The following NAPEPLD variants were observed in gnomAD, a reference collection of about 807,000 sequenced individuals.
NAPEPLD encodes the protein N-acyl phosphatidylethanolamine phospholipase D, also known as N-acyl-phosphatidylethanolamine-hydrolyzing phospholipase D.
NAPEPLD carries 23 observed loss-of-function variants against 38.1 expected under a neutral mutation model. That is an observed-to-expected ratio of 0.60 (90% CI 0.43 to 0.86). The LOEUF is 0.86. NAPEPLD is among the 40% of genes least tolerant of loss of function. NAPEPLD has a pLI of 0.00. For synonymous variants in NAPEPLD, 147 were observed against 162.0 expected (o/e 0.91, Z 0.71); for missense variants, 411 against 476.8 (o/e 0.86, Z 1.28).
rs556959781 is a variant in NAPEPLD at position 103,100,878 on chromosome 7, C to CA, written c.*2550dup. 29 of 152,212 alleles carry CA rather than the reference C, an allele frequency of 1.9e-4. No individual in the cohort carries two copies. The South Asian group carries it at 4.8e-3, about 25-fold the overall frequency. 9.4% of individuals were successfully genotyped at this position (152,212 alleles called of 1,614,324 possible). A position where few individuals can be genotyped will look rare whatever the true frequency, so the allele number is the denominator to read the frequency against. On this transcript the variant is annotated 3_prime_UTR_variant, in exon 5 of 5. Transcript: ENST00000465647. ...GCTTGATGTTCTTAATGAATAGTGTCAGTGTAGAAAGAACATGAGTGGTAA... is the reference window on the plus strand; with the variant it reads ...GCTTGATGTTCTTAATGAATAGTGTCAAGTGTAGAAAGAACATGAGTGGTAA...
At chr7:103,128,415 G>A (rs1164248611) in intron 2 of NAPEPLD, 68 bp downstream of exon 2, 4 of 1,547,464 alleles carry the variant, frequency 2.6e-6, no homozygotes, top group East Asian at 4.5e-5. Flanking sequence ...TGATATACAA[G>A]GGCTCAAATA....
chr7:103,118,388 C>G (rs1439254667), intron 3 of NAPEPLD, among the ~76,000 whole-genome samples: 2 of 151,424 alleles, frequency 1.3e-5, no homozygotes, highest in Non-Finnish European at 2.9e-5. Context: ...TATCAAGAAC[C>G]AAAAAAGGGT....
intron 3 of NAPEPLD, 111 bp downstream of exon 3, chr7:103,119,466 G>T: frequency 8.4e-7 from 1 of 1,191,884 alleles, no homozygotes; most frequent in Non-Finnish European, 1.2e-6. Context: ...GTATAACAAA[G>T]TCCACCATTA....
chr7:103,109,645 G>A (rs184632670), intron 4 of NAPEPLD, among the ~76,000 whole-genome samples: 6 of 152,102 alleles, frequency 3.9e-5, no homozygotes, highest in Non-Finnish European at 7.4e-5. Context: ...AAGAGAAAGC[G>A]GGAAAGATCT....
At chr7:103,146,654 C>T (rs1812620515) in intron 1 of NAPEPLD, among the ~76,000 whole-genome samples, 1 of 152,178 alleles carries the variant, frequency 6.6e-6, no homozygotes, top group Admixed American at 6.5e-5. Context: ...GCCTCCAGAG[C>T]CAACAGCACT....
intron 4 of NAPEPLD, among the ~76,000 whole-genome samples, chr7:103,104,175 G>A (rs1802845913): frequency 6.6e-6 from 1 of 152,102 alleles, no homozygotes; most frequent in Non-Finnish European, 1.5e-5. Context: ...GTAAGCTTGA[G>A]GGAAGATGAG....
At chr7:103,128,339 C>T (rs961416457) in intron 2 of NAPEPLD, 144 bp downstream of exon 2, 28 of 935,596 alleles carry the variant, frequency 3.0e-5, no homozygotes, top group Non-Finnish European at 4.1e-5. Flanking sequence ...TGCTACTGAA[C>T]GATGAACTTT....
At chr7:103,145,839 A>G (rs1429948057) in intron 1 of NAPEPLD, among the ~76,000 whole-genome samples, 1 of 152,020 alleles carries the variant, frequency 6.6e-6, no homozygotes, top group Non-Finnish European at 1.5e-5. Flanking sequence ...AAGATAAATG[A>G]CACATTTTAC....
At chr7:103,110,484 C>T (rs905033692) in intron 4 of NAPEPLD, among the ~76,000 whole-genome samples, 2 of 152,208 alleles carry the variant, frequency 1.3e-5, no homozygotes, top group Non-Finnish European at 2.9e-5. Context: ...TGACAAAAAC[C>T]ACATGATTGT....
intron 2 of NAPEPLD, among the ~76,000 whole-genome samples, chr7:103,123,073 C>T (rs1457734279): frequency 6.6e-6 from 1 of 152,212 alleles, no homozygotes; most frequent in Non-Finnish European, 1.5e-5. Flanking sequence ...TACTCCTAGA[C>T]TGAGCTCAAG....
intron 1 of NAPEPLD, 50 bp downstream of exon 1, chr7:103,148,761 G>A (rs1813130711): frequency 1.0e-6 from 1 of 957,562 alleles, no homozygotes; most frequent in Non-Finnish European, 1.2e-6. Context: ...TTGCTCGGAG[G>A]AAGTTGTCGA....
At chr7:103,117,539 T>C (rs1355400208) in intron 3 of NAPEPLD, among the ~76,000 whole-genome samples, 1 of 152,226 alleles carries the variant, frequency 6.6e-6, no homozygotes, top group East Asian at 1.9e-4. Flanking sequence ...GAATGAAACA[T>C]TCCAAGCATA....
At chr7:103,122,682 G>A (rs1382890329) in intron 2 of NAPEPLD, among the ~76,000 whole-genome samples, 1 of 152,176 alleles carries the variant, frequency 6.6e-6, no homozygotes, top group Non-Finnish European at 1.5e-5. Context: ...CACTCTACAA[G>A]TAGTCCAAAA....
intron 2 of NAPEPLD, chr7:103,128,033 T>C (rs1808181053): frequency 1.3e-5 from 2 of 158,164 alleles, no homozygotes; most frequent in Non-Finnish European, 2.8e-5. Flanking sequence ...AGCCAAGCAC[T>C]CCAGGCCATG....
chr7:103,100,122 G>T lies in NAPEPLD; in HGVS notation c.*3307C>A, dbSNP rs943707031. 3.9e-5 allele frequency: 6 copies of T among 152,102 alleles called. No homozygotes were observed. The highest frequency in any genetic ancestry group is 1.4e-4 in the African/African-American group (6 of 41,412). The allele number at this position is 152,102 out of a possible 1,614,324, so 9.4% of individuals were successfully genotyped here. On this transcript the variant is annotated 3_prime_UTR_variant, in exon 5 of 5. Transcript: ENST00000465647. ...TACCCTGATACAGAAATCAAACTTGGAAGAAATATTTTTACATTAGAAAAA... is the reference window on the plus strand; with the variant it reads ...TACCCTGATACAGAAATCAAACTTGTAAGAAATATTTTTACATTAGAAAAA...
intron 4 of NAPEPLD, among the ~76,000 whole-genome samples, chr7:103,106,360 T>G (rs555752234): frequency 6.6e-6 from 1 of 151,992 alleles, no homozygotes; most frequent in East Asian, 1.9e-4. Flanking sequence ...CTTTTTTTTT[T>G]TTTCATACCC....
intron 1 of NAPEPLD, chr7:103,141,945 C>T (rs553318941): frequency 1.1e-5 from 10 of 879,898 alleles, no homozygotes; most frequent in South Asian, 4.0e-5. Flanking sequence ...CTCAAGGCTG[C>T]AGCCACAGCA....
At chr7:103,107,472 C>T (rs1040170327) in intron 4 of NAPEPLD, among the ~76,000 whole-genome samples, 1 of 152,046 alleles carries the variant, frequency 6.6e-6, no homozygotes, top group Non-Finnish European at 1.5e-5. Context: ...GGAGCGTATT[C>T]TAACCCAATG....
Position 103,101,203 on chromosome 7 carries a change from C to T in NAPEPLD, c.*2226G>A, listed in dbSNP as rs1335717935. The T allele has an allele frequency of 6.6e-6, 1 of 152,110 alleles. No homozygotes were observed. Among genetic ancestry groups the T allele is most frequent in the African/African-American group, 2.4e-5 (1 of 41,432 alleles). 9.4% of individuals were successfully genotyped at this position (152,110 alleles called of 1,614,324 possible). A position where few individuals can be genotyped will look rare whatever the true frequency, so the allele number is the denominator to read the frequency against. Reference sequence around the variant, plus strand: ...CAAAGCTAACTCACCATAAACCTAACATCTTGATTCACATCTGCTTGGAGT... The same window carrying T: ...CAAAGCTAACTCACCATAAACCTAATATCTTGATTCACATCTGCTTGGAGT... On this transcript the variant is annotated 3_prime_UTR_variant, in exon 5 of 5. Transcript: ENST00000465647.
Sources: gnomAD v4.1 joint callset for allele counts (sites outside exome capture counted in the v4.1 genomes callset) on GRCh38, gnomAD v4.1.1 for gene constraint, MANE v1.5 for transcripts, NCBI Gene and HGNC (gene_info 2026-07-23, HGNC 2026-07-21) for gene names.